The following GALNT13 variants were observed in gnomAD, a reference collection of about 807,000 sequenced individuals.
GALNT13 encodes UDP-GalNAc:polypeptide N-acetylgalactosaminyltransferase 13.
A neutral mutation model predicts 64.2 loss-of-function variants in GALNT13; 28 were observed. The observed-to-expected ratio is 0.44, with a 90% confidence interval of 0.32 to 0.60. GALNT13 has a LOEUF of 0.60. Ranked by LOEUF, GALNT13 falls within the 20% of genes least tolerant of loss-of-function variation. The pLI is 0.05. For missense variants in GALNT13, 577 were observed against 669.8 expected, an observed-to-expected ratio of 0.86 and a Z score of 1.53; for synonymous variants, 214 against 224.6, an observed-to-expected ratio of 0.95 and a Z score of 0.42.
upstream of GALNT13, among the ~76,000 whole-genome samples, chr2:153,868,320 G>C (rs12693842): frequency 0.82 from 124,917 of 151,946 alleles, 52,576 homozygotes; most frequent in Non-Finnish European, 0.9. Context: ...TACAAAGGAG[G>C]TAAGCAGAGC....
chr2:154,110,990 A>G (rs1483892235), intron 3 of GALNT13, among the ~76,000 whole-genome samples: 2 of 152,236 alleles, frequency 1.3e-5, no homozygotes, highest in African/African-American at 2.4e-5. Context: ...AATAAATCTT[A>G]TGTCACATGA....
chr2:153,235,608 G>T, the GALNT13 span, among the ~76,000 whole-genome samples: 1 of 152,078 alleles, frequency 6.6e-6, no homozygotes, highest in Non-Finnish European at 1.5e-5. Context: ...TCAGCCCAAG[G>T]TAACTACTCA....
At chr2:154,269,930 A>ATATATGTGTATATATATATATATATATAT (rs1553506263) in intron 8 of GALNT13, among the ~76,000 whole-genome samples, 1 of 142,888 alleles carries the variant, frequency 7.0e-6, no homozygotes. Context: ...ATATATTTCT[A>ATATATGTGTATATATATATATATATATAT]AAGCACAGGG....
At chr2:153,942,691 T>TTTTATA (rs1553457880) in intron 2 of GALNT13, among the ~76,000 whole-genome samples, 1 of 150,450 alleles carries the variant, frequency 6.6e-6, no homozygotes, top group South Asian at 2.1e-4. Flanking sequence ...TATCTCTCCA[T>TTTTATA]TATATATATA....
chr2:153,393,947 T>TACACAC, the GALNT13 span, among the ~76,000 whole-genome samples: 468 of 128,240 alleles, frequency 3.6e-3, 4 homozygotes, highest in African/African-American at 0.013. Context: ...TCTCTCTGTC[T>TACACAC]ACACACACAC....
At chr2:153,369,594 C>T in the GALNT13 span, among the ~76,000 whole-genome samples, 1 of 152,002 alleles carries the variant, frequency 6.6e-6, no homozygotes, top group African/African-American at 2.4e-5. Flanking sequence ...CTCCCTCTGA[C>T]TGTTAGCTGG....
rs138497122 is a variant in GALNT13 at position 154,016,119 on chromosome 2, A to G, written c.142+71480A>G. 2.0e-5 allele frequency among the ~76,000 whole-genome samples: 3 copies of G among 152,330 alleles called. No homozygotes were observed. The East Asian group carries it at 5.8e-4, about 29-fold the overall frequency. On this transcript the variant is annotated intron_variant, in intron 3 of 12. Transcript: ENST00000392825. The stretch of plus-strand genomic sequence containing the variant: ...GACTAGCAAGCAATATTTTAGAAAC[A>G]TGACCCCTTGATTGATAATGGAGCG...
chr2:154,120,354 G>A (rs1174409507), intron 3 of GALNT13, among the ~76,000 whole-genome samples: 1 of 152,208 alleles, frequency 6.6e-6, no homozygotes, highest in Non-Finnish European at 1.5e-5. Flanking sequence ...CAGTTGGGCA[G>A]GGCTGCAGGC....
At chr2:153,136,769 G>A in the GALNT13 span, among the ~76,000 whole-genome samples, 17 of 151,892 alleles carry the variant, frequency 1.1e-4, no homozygotes, top group African/African-American at 3.9e-4. Flanking sequence ...TTAAGTACAG[G>A]TCTCCAAAAT....
chr2:153,586,075 A>T, the GALNT13 span, among the ~76,000 whole-genome samples: 1 of 152,026 alleles, frequency 6.6e-6, no homozygotes, highest in Non-Finnish European at 1.5e-5. Context: ...AAGGAGGAAG[A>T]GAAAGGAATC....
chr2:154,363,088 T>G (rs1174763604), intron 9 of GALNT13, among the ~76,000 whole-genome samples: 8 of 152,170 alleles, frequency 5.3e-5, no homozygotes, highest in Admixed American at 2.0e-4. Context: ...TCTCACCTGA[T>G]TCTACTGATC....
At chr2:153,570,971 T>C in the GALNT13 span, among the ~76,000 whole-genome samples, 1 of 151,936 alleles carries the variant, frequency 6.6e-6, no homozygotes, top group African/African-American at 2.4e-5. Context: ...TTTTAGTATT[T>C]TTTTTTTTCT....
the GALNT13 span, among the ~76,000 whole-genome samples, chr2:153,249,684 G>A: frequency 8.7e-4 from 132 of 152,162 alleles, 1 homozygote; most frequent in African/African-American, 3.1e-3. Flanking sequence ...CAGATATATA[G>A]ACCAATGGAA....
chr2:153,665,959 C>A, the GALNT13 span, among the ~76,000 whole-genome samples: 1 of 152,162 alleles, frequency 6.6e-6, no homozygotes, highest in South Asian at 2.1e-4. Context: ...TTGCCCTGCT[C>A]CTCTAGGCAG....
At chr2:153,845,789 T>C in the GALNT13 span, among the ~76,000 whole-genome samples, 20 of 151,778 alleles carry the variant, frequency 1.3e-4, no homozygotes, top group African/African-American at 4.1e-4. Context: ...GCAGGGTAAA[T>C]GTAAAGTACC....
the GALNT13 span, among the ~76,000 whole-genome samples, chr2:153,256,643 T>A: frequency 2.6e-5 from 4 of 152,310 alleles, no homozygotes; most frequent in East Asian, 7.8e-4. Context: ...AGATGGGATT[T>A]TTGTGTGGAT....
At chr2:153,172,679 G>A in the GALNT13 span, among the ~76,000 whole-genome samples, 1 of 152,144 alleles carries the variant, frequency 6.6e-6, no homozygotes, top group Non-Finnish European at 1.5e-5. Flanking sequence ...TTCATTAAGG[G>A]CTAGAAGAGT....
chr2:154,157,754 G>A (rs908852760), intron 4 of GALNT13, among the ~76,000 whole-genome samples: 1 of 152,092 alleles, frequency 6.6e-6, no homozygotes, highest in Non-Finnish European at 1.5e-5. Context: ...CAGCAAAATT[G>A]CTATTGCCGA....
Position 154,450,392 on chromosome 2 carries a change from T to A in GALNT13, c.1531-19T>A, listed in dbSNP as rs2105508424. 6.2e-7 allele frequency: 1 copy of A among 1,600,622 alleles called. No individual in the cohort carries two copies. Among genetic ancestry groups the A allele is most frequent in the Non-Finnish European group, 8.5e-7 (1 of 1,174,086 alleles). On this transcript the variant is annotated intron_variant, in intron 12 of 12. Coordinates refer to ENST00000392825, the MANE Select transcript of GALNT13 (RefSeq NM_052917.4). ...TAAAGACGAAATAAGCTGCACTGAT[T>A]ATTGGTTATCTTTTACAGAGACTCA...
Sources: gnomAD v4.1 joint callset for allele counts (sites outside exome capture counted in the v4.1 genomes callset) on GRCh38, gnomAD v4.1.1 for gene constraint, MANE v1.5 for transcripts, NCBI Gene and HGNC (gene_info 2026-07-23, HGNC 2026-07-21) for gene names.